The following STIMATE variants were observed in gnomAD, a reference collection of about 807,000 sequenced individuals.
STIMATE encodes store-operated calcium entry regulator STIMATE.
STIMATE carries 15 observed loss-of-function variants against 36.7 expected under a neutral mutation model. The ratio of observed to expected loss-of-function variants is 0.41; its 90% confidence interval spans 0.27 to 0.63. The LOEUF is 0.63. Ranked by LOEUF, STIMATE falls within the 20% of genes least tolerant of loss-of-function variation. The probability of loss-of-function intolerance (pLI) is 0.32; values close to 1 mark genes in which losing one functional copy is unlikely to be tolerated. For synonymous variants in STIMATE, 163 were observed against 162.3 expected (o/e 1.00, Z -0.03); for missense variants, 305 against 397.3 (o/e 0.77, Z 1.98).
At chr3:52,882,312 C>T (rs1229394937) in intron 1 of STIMATE, among the ~76,000 whole-genome samples, 1 of 152,236 alleles carries the variant, frequency 6.6e-6, no homozygotes, top group Non-Finnish European at 1.5e-5. Flanking sequence ...AACCTGATCT[C>T]GGAAGCCATG....
At chr3:52,854,029 A>G (rs907666421) in intron 2 of STIMATE, among the ~76,000 whole-genome samples, 3 of 152,234 alleles carry the variant, frequency 2.0e-5, no homozygotes, top group African/African-American at 7.2e-5. Context: ...CTGCAGGATC[A>G]TAATCTGTGA....
chr3:52,849,895 G>A lies in STIMATE; in HGVS notation c.324C>T (p.Leu108=), dbSNP rs759728079. The change falls in exon 4 of 8, where the codon CTC becomes CTT. Residue 108 remains leucine, a synonymous_variant. Coordinates refer to ENST00000355083, the MANE Select transcript of STIMATE (RefSeq NM_198563.5). ...GCAGCATGCCCACAGTGGCGTCCAG[G>A]AGGAAGTTGATGAGGTACCTGTGAG... The part of the protein sequence containing the change: ...DPCSLYLINF[L]LDATVGMLLI... 1.9e-6 allele frequency: 3 copies of A among 1,613,760 alleles called. No homozygotes were observed. The highest frequency in any genetic ancestry group is 1.3e-5 in the African/African-American group (1 of 75,060).
At chr3:52,858,120 A>G (rs1467237670) in intron 1 of STIMATE, among the ~76,000 whole-genome samples, 1 of 152,202 alleles carries the variant, frequency 6.6e-6, no homozygotes, top group African/African-American at 2.4e-5. Context: ...AGAAACTGTG[A>G]GAAAATAAGT....
At chr3:52,880,190 CAG>C (rs1701578625) in intron 1 of STIMATE, among the ~76,000 whole-genome samples, 1 of 152,172 alleles carries the variant, frequency 6.6e-6, no homozygotes, top group Non-Finnish European at 1.5e-5. Context: ...AACCTGTCCT[CAG>C]ACTCTCCAAC....
chr3:52,889,995 G>A (rs971233836), intron 1 of STIMATE, among the ~76,000 whole-genome samples: 4 of 152,140 alleles, frequency 2.6e-5, no homozygotes, highest in African/African-American at 9.7e-5. Context: ...CCTCTCCAGC[G>A]CTGGTCTCTT....
intron 1 of STIMATE, among the ~76,000 whole-genome samples, chr3:52,868,191 C>T (rs985346841): frequency 6.6e-6 from 1 of 152,178 alleles, no homozygotes; most frequent in African/African-American, 2.4e-5. Context: ...GGAAAAAGTC[C>T]CCAGAAGTCA....
intron 4 of STIMATE, chr3:52,847,176 G>C (rs943210833): frequency 2.0e-6 from 2 of 998,740 alleles, no homozygotes; most frequent in Non-Finnish European, 2.4e-6. Context: ...CTCCCAAAGT[G>C]CTGGGAATGA....
At chr3:52,870,911 C>T (rs1009247664) in intron 1 of STIMATE, among the ~76,000 whole-genome samples, 13 of 152,110 alleles carry the variant, frequency 8.5e-5, no homozygotes, top group African/African-American at 2.9e-4. Flanking sequence ...TGGGGGAAGG[C>T]GGGTGGTGCC....
Position 52,855,393 on chromosome 3 carries a change from T to C in STIMATE, c.209+3A>G. 7.1e-7 allele frequency: 1 copy of C among 1,402,282 alleles called. No individual in the cohort carries two copies. The highest frequency in any genetic ancestry group is 9.5e-7 in the Non-Finnish European group (1 of 1,050,378). The allele number at this position is 1,402,282 out of a possible 1,614,324, so 86.9% of individuals were successfully genotyped here. A position where few individuals can be genotyped will look rare whatever the true frequency, so the allele number is the denominator to read the frequency against. Reference sequence around the variant, plus strand: ...CAGAATGAACTAATACCTAAACACATACCATATCCTCCACGGACGTCTTTC... The same window carrying C: ...CAGAATGAACTAATACCTAAACACACACCATATCCTCCACGGACGTCTTTC... On this transcript the variant is annotated splice_donor_region_variant and intron_variant, in intron 2 of 7. Coordinates refer to ENST00000355083, the MANE Select transcript of STIMATE (RefSeq NM_198563.5).
intron 6 of STIMATE, among the ~76,000 whole-genome samples, 198 bp downstream of exon 6, chr3:52,843,523 A>T (rs1243757424): frequency 1.3e-5 from 2 of 152,088 alleles, no homozygotes; most frequent in African/African-American, 4.8e-5. Context: ...TCCATCCTGG[A>T]CGGGAGCCCT....
rs1700738120 is a variant in STIMATE, at chr3:52,838,203, T to C, written c.*2291A>G. The stretch of plus-strand genomic sequence containing the variant: ...CTACCTCTTTGTTCCCCAAACCCTC[T>C]GCTCACTGGGAAGTGGGCAAAGCCT... On this transcript the variant is annotated 3_prime_UTR_variant, in exon 8 of 8. Transcript: ENST00000355083. The C allele has an allele frequency of 6.6e-6, 1 of 152,250 alleles. No individual in the cohort carries two copies. Among genetic ancestry groups the C allele is most frequent in the African/African-American group, 2.4e-5 (1 of 41,454 alleles). 9.4% of individuals were successfully genotyped at this position (152,250 alleles called of 1,614,324 possible).
At chr3:52,860,462 G>C (rs1367478201) in intron 1 of STIMATE, among the ~76,000 whole-genome samples, 5 of 152,160 alleles carry the variant, frequency 3.3e-5, no homozygotes, top group Non-Finnish European at 7.3e-5. Flanking sequence ...ACAGCAGGCA[G>C]AACAGCAGGG....
At chr3:52,879,494 C>T (rs1011032732) in intron 1 of STIMATE, among the ~76,000 whole-genome samples, 4 of 152,124 alleles carry the variant, frequency 2.6e-5, no homozygotes, top group African/African-American at 7.2e-5. Context: ...ACAGGAGGAC[C>T]AGGAGGGAAG....
intron 4 of STIMATE, 126 bp downstream of exon 4, chr3:52,849,666 C>T (rs1700964812): frequency 6.8e-7 from 1 of 1,462,846 alleles, no homozygotes; most frequent in South Asian, 1.4e-5. Flanking sequence ...CCCTCTACCA[C>T]ACAGAGAAGA....
At chr3:52,888,000 T>TG (rs1701719918) in intron 1 of STIMATE, among the ~76,000 whole-genome samples, 1 of 104,752 alleles carries the variant, frequency 9.5e-6, no homozygotes, top group Admixed American at 9.8e-5. Flanking sequence ...ATCAGTTTTT[T>TG]TTTTTTTTTT....
At chr3:52,897,195 C>T in intron 1 of STIMATE, 96 bp downstream of exon 1, 6 of 1,453,188 alleles carry the variant, frequency 4.1e-6, no homozygotes, top group Non-Finnish European at 5.4e-6. Flanking sequence ...ATTCGGGTCC[C>T]AAGGCCTGAA....
intron 7 of STIMATE, among the ~76,000 whole-genome samples, chr3:52,841,379 T>C (rs4687665): frequency 0.89 from 135,567 of 152,298 alleles, 62,238 homozygotes; most frequent in Non-Finnish European, 1. Flanking sequence ...CTGAGCCAAC[T>C]CTGTAACTGC....
At chr3:52,849,217 G>C (rs995328892) in intron 4 of STIMATE, among the ~76,000 whole-genome samples, 9 of 152,228 alleles carry the variant, frequency 5.9e-5, no homozygotes, top group African/African-American at 2.2e-4. Flanking sequence ...GGGGCCAGCT[G>C]TGAGGGTGGG....
At chr3:52,874,145 T>C (rs1181149896) in intron 1 of STIMATE, among the ~76,000 whole-genome samples, 2 of 152,200 alleles carry the variant, frequency 1.3e-5, no homozygotes, top group Non-Finnish European at 2.9e-5. Flanking sequence ...GAGTGGAAGA[T>C]TTAGAAACCA....
Sources: gnomAD v4.1 joint callset for allele counts (sites outside exome capture counted in the v4.1 genomes callset) on GRCh38, gnomAD v4.1.1 for gene constraint, MANE v1.5 for transcripts, NCBI Gene and HGNC (gene_info 2026-07-23, HGNC 2026-07-21) for gene names.